Variants in CEMIP observed in about 807,000 individuals in gnomAD.
The protein encoded by CEMIP is cell migration inducing hyaluronidase 1.
Under a neutral mutation model 156.9 loss-of-function variants are expected in CEMIP, and 105 were observed. The observed-to-expected ratio is 0.67, with a 90% CI of 0.57 to 0.79. The LOEUF (loss-of-function observed/expected upper bound fraction) is 0.79, where lower values mean the gene tolerates loss of function less well. Ranked by LOEUF, CEMIP falls within the 30% of genes least tolerant of loss-of-function variation. CEMIP has a pLI of 0.00. For synonymous variants in CEMIP, 676 were observed against 668.4 expected, an observed-to-expected ratio of 1.01 and a Z score of -0.17; for missense variants, 1,457 against 1,769.4, an observed-to-expected ratio of 0.82 and a Z score of 3.17.
At chr15:80,795,801 A>C (rs1896209144) in intron 1 of CEMIP, among the ~76,000 whole-genome samples, 1 of 152,164 alleles carries the variant, frequency 6.6e-6, no homozygotes, top group African/African-American at 2.4e-5. Flanking sequence ...GCTGTGGCTC[A>C]CATGTATAGT....
At chr15:80,827,725 G>A (rs1199577857) in intron 1 of CEMIP, among the ~76,000 whole-genome samples, 11 of 152,176 alleles carry the variant, frequency 7.2e-5, no homozygotes, top group Non-Finnish European at 1.5e-4. Flanking sequence ...AATTAGGAAA[G>A]GATGCATCTA....
chr15:80,827,339 G>A (rs1897059126), intron 1 of CEMIP, among the ~76,000 whole-genome samples: 1 of 152,214 alleles, frequency 6.6e-6, no homozygotes, highest in African/African-American at 2.4e-5. Context: ...TAGCCTGATA[G>A]TTTTCAGTCC....
At chr15:80,784,936 A>G (rs1739140466) in intron 1 of CEMIP, among the ~76,000 whole-genome samples, 1 of 152,164 alleles carries the variant, frequency 6.6e-6, no homozygotes, top group African/African-American at 2.4e-5. Context: ...GTCCGAGTTG[A>G]GGAAGCCCAG....
intron 10 of CEMIP, among the ~76,000 whole-genome samples, chr15:80,890,445 C>T (rs913875605): frequency 6.6e-6 from 1 of 150,428 alleles, no homozygotes; most frequent in African/African-American, 2.4e-5. Context: ...AAAAAATTAG[C>T]TTGGTGTGGT....
intron 1 of CEMIP, among the ~76,000 whole-genome samples, chr15:80,853,343 A>C (rs1897758779): frequency 6.6e-6 from 1 of 152,232 alleles, no homozygotes; most frequent in South Asian, 2.1e-4. Context: ...GCCAGGCCGC[A>C]AGAAGGGACT....
At chr15:80,821,522 G>T (rs7168261) in intron 1 of CEMIP, among the ~76,000 whole-genome samples, 3 of 151,902 alleles carry the variant, frequency 2.0e-5, no homozygotes, top group Admixed American at 2.0e-4. Flanking sequence ...CATCAACCAG[G>T]TGAAAATAAT....
At chr15:80,815,817 A>T (rs72738293) in intron 1 of CEMIP, among the ~76,000 whole-genome samples, 3,219 of 152,344 alleles carry the variant, frequency 0.021, 47 homozygotes, top group Middle Eastern at 0.027. Context: ...CCAGAAGTTT[A>T]AGGCGAAATG....
intron 1 of CEMIP, among the ~76,000 whole-genome samples, chr15:80,845,121 G>A (rs1377717672): frequency 6.6e-6 from 1 of 152,026 alleles, no homozygotes; most frequent in African/African-American, 2.4e-5. Context: ...TATTTATTGG[G>A]GGATGAATCT....
At chr15:80,852,212 G>A (rs536667292) in intron 1 of CEMIP, among the ~76,000 whole-genome samples, 2 of 152,294 alleles carry the variant, frequency 1.3e-5, no homozygotes, top group Non-Finnish European at 2.9e-5. Flanking sequence ...CCCTGGAACA[G>A]AAGTACCACT....
rs34298272 is a variant in CEMIP, at chr15:80,925,729, C to T, written c.2394C>T (p.Gly798=). 1,224 of 1,613,360 alleles carry T rather than the reference C, an allele frequency of 7.6e-4. 4 individuals are homozygous for T. In the African/African-American group the frequency reaches 0.012, roughly 16 times the overall value. The change falls in exon 19 of 30, where the codon GGC becomes GGT. Residue 798 remains glycine (G), a synonymous_variant. Transcript: ENST00000394685. ...KNQDHGAWLR[G]GDVWLDSCRF... ...AGGACCACGGGGCCTGGCTGCGCGG[C>T]GGGGATGTGTGGCTGGACAGCTGCC... is the stretch of plus-strand genomic sequence containing the variant.
At chr15:80,876,026 G>A (rs1022431495) in intron 3 of CEMIP, among the ~76,000 whole-genome samples, 2 of 152,254 alleles carry the variant, frequency 1.3e-5, no homozygotes, top group Non-Finnish European at 2.9e-5. Context: ...GAAAAGAACA[G>A]TCAGGATTGT....
intron 6 of CEMIP, among the ~76,000 whole-genome samples, chr15:80,883,004 A>C (rs11632182): frequency 0.29 from 44,770 of 151,958 alleles, 8,194 homozygotes; most frequent in Non-Finnish European, 0.42. Flanking sequence ...GGAGGGTGCG[A>C]GGTTAGGTGG....
intron 7 of CEMIP, among the ~76,000 whole-genome samples, chr15:80,885,355 A>G (rs939440018): frequency 2.6e-5 from 4 of 152,124 alleles, no homozygotes; most frequent in East Asian, 1.9e-4. Flanking sequence ...TCCAGAGTGC[A>G]TTTTCCGACA....
rs909746330 is a variant in CEMIP at position 80,933,428 on chromosome 15, A to G, written c.2977A>G (p.Arg993Gly). Residue 993 changes from arginine to glycine, a missense_variant, in exon 23 of 30, where the codon AGA (arginine) becomes GGA (glycine). By Grantham distance (125) the Arg-to-Gly change is moderately radical. Transcript: ENST00000394685. Reference sequence around the variant, plus strand: ...AGACTGCATCAATGTTCCCGACTGGAGAGGGGCCATTTGCAGTGGGTGCTA... The same window carrying G: ...AGACTGCATCAATGTTCCCGACTGGGGAGGGGCCATTTGCAGTGGGTGCTA... The part of the protein sequence containing the change: ...HPDCINVPDW[R>G]GAICSGCYAQ... The G allele has an allele frequency of 4.3e-6, 7 of 1,614,102 alleles. No individual in the cohort carries two copies. Among genetic ancestry groups the G allele is most frequent in the Non-Finnish European group, 5.9e-6 (7 of 1,180,010 alleles).
intron 1 of CEMIP, among the ~76,000 whole-genome samples, chr15:80,820,982 A>G (rs1896895412): frequency 6.6e-6 from 1 of 152,236 alleles, no homozygotes; most frequent in African/African-American, 2.4e-5. Flanking sequence ...TTGGAACCCA[A>G]AAGATGCTTC....
chr15:80,813,221 G>T (rs889287251), intron 1 of CEMIP, among the ~76,000 whole-genome samples: 6 of 152,146 alleles, frequency 3.9e-5, no homozygotes, highest in Non-Finnish European at 7.3e-5. Flanking sequence ...CCTTCAAAAG[G>T]TTGTAGTGAG....
chr15:80,862,687 T>C (rs1039815527), intron 1 of CEMIP, among the ~76,000 whole-genome samples: 3 of 152,172 alleles, frequency 2.0e-5, no homozygotes, highest in African/African-American at 7.2e-5. Context: ...TGCACGAAGA[T>C]AGCAGCAGGT....
chr15:80,947,044 G>A lies in CEMIP; in HGVS notation c.3937G>A (p.Asp1313Asn). ...CAGAGTGCTGGAAAAGCTTGGGGCA[G>A]ACAGGGGTCTCAAGTTGAAAGGTAA... The part of the protein sequence containing the change: ...WTRVLEKLGA[D>N]RGLKLKEQMA... Residue 1313 changes from aspartate to asparagine, a missense_variant, in exon 29 of 30, where the codon GAC (aspartate) becomes AAC (asparagine). Transcript: ENST00000394685. 6.2e-7 allele frequency: 1 copy of A among 1,613,606 alleles called. No homozygotes were observed. Among genetic ancestry groups the A allele is most frequent in the Non-Finnish European group, 8.5e-7 (1 of 1,179,498 alleles).
At chr15:80,783,949 G>C (rs1327600846) in intron 1 of CEMIP, among the ~76,000 whole-genome samples, 1 of 152,140 alleles carries the variant, frequency 6.6e-6, no homozygotes, top group African/African-American at 2.4e-5. Flanking sequence ...TTATTTTTTA[G>C]GGCCTGTCCC....
Sources: gnomAD v4.1 joint callset for allele counts (sites outside exome capture counted in the v4.1 genomes callset) on GRCh38, gnomAD v4.1.1 for gene constraint, MANE v1.5 for transcripts, NCBI Gene and HGNC (gene_info 2026-07-23, HGNC 2026-07-21) for gene names.